Variants in ROR1 observed in about 807,000 individuals in gnomAD.
The protein encoded by ROR1 is inactive tyrosine-protein kinase transmembrane receptor ROR1.
ROR1 carries 19 observed loss-of-function variants against 78.8 expected under a neutral mutation model. The observed-to-expected ratio is 0.24, with a 90% CI of 0.17 to 0.35. ROR1 has a LOEUF of 0.35. Ranked by LOEUF, ROR1 falls within the 10% of genes least tolerant of loss-of-function variation. ROR1 has a pLI of 1.00. For synonymous variants in ROR1, 386 were observed against 433.6 expected, an observed-to-expected ratio of 0.89 and a Z score of 1.36; for missense variants, 917 against 1,177.8, an observed-to-expected ratio of 0.78 and a Z score of 3.24.
intron 4 of ROR1, among the ~76,000 whole-genome samples, chr1:64,112,728 C>T (rs1461995074): frequency 6.6e-6 from 1 of 152,226 alleles, no homozygotes; most frequent in East Asian, 1.9e-4. Context: ...CTGTCCCTGC[C>T]CTTCCTCCTT....
chr1:63,976,966 C>T (rs779003412), intron 1 of ROR1, among the ~76,000 whole-genome samples: 1 of 152,082 alleles, frequency 6.6e-6, no homozygotes, highest in Admixed American at 6.6e-5. Flanking sequence ...CTCACAGTTC[C>T]GCATATCTGG....
chr1:63,843,378 C>T (rs1204834903), intron 1 of ROR1: 31 of 798,126 alleles, frequency 3.9e-5, no homozygotes, highest in Non-Finnish European at 6.0e-5. Flanking sequence ...CTCAGGGACC[C>T]AGAAGATAAA....
intron 1 of ROR1, among the ~76,000 whole-genome samples, chr1:63,860,803 T>C (rs890443070): frequency 1.4e-5 from 2 of 145,592 alleles, no homozygotes; most frequent in Non-Finnish European, 3.0e-5. Context: ...AGAAGAAGAA[T>C]GGAAGGGTAC....
chr1:63,971,675 G>A (rs1646120667), intron 1 of ROR1, among the ~76,000 whole-genome samples: 2 of 152,162 alleles, frequency 1.3e-5, no homozygotes, highest in South Asian at 2.1e-4. Flanking sequence ...GCCCAGATTG[G>A]TTTAAAGCCC....
intron 1 of ROR1, among the ~76,000 whole-genome samples, chr1:63,850,418 G>A (rs1191267547): frequency 6.6e-6 from 1 of 152,188 alleles, no homozygotes; most frequent in Non-Finnish European, 1.5e-5. Flanking sequence ...GCATGTCTTC[G>A]GCTTCCCTAG....
At chr1:64,085,639 A>G (rs1647146338) in intron 4 of ROR1, among the ~76,000 whole-genome samples, 1 of 152,204 alleles carries the variant, frequency 6.6e-6, no homozygotes, top group Admixed American at 6.5e-5. Context: ...GCAGGACTAA[A>G]GATAATATAG....
chr1:63,990,055 G>A (rs1646283088), intron 1 of ROR1, among the ~76,000 whole-genome samples: 1 of 152,102 alleles, frequency 6.6e-6, no homozygotes, highest in Non-Finnish European at 1.5e-5. Context: ...AGAGACCAAG[G>A]ACTACCTGTT....
intron 1 of ROR1, among the ~76,000 whole-genome samples, chr1:63,835,003 C>T (rs1268801800): frequency 6.6e-6 from 1 of 152,104 alleles, no homozygotes. Context: ...GTCAACCTCA[C>T]TCCTTGAGCC....
chr1:63,928,188 G>A (rs1645721636), intron 1 of ROR1, among the ~76,000 whole-genome samples: 1 of 152,194 alleles, frequency 6.6e-6, no homozygotes, highest in Non-Finnish European at 1.5e-5. Context: ...CTGGGTAGGA[G>A]TAATTAACTT....
chr1:64,067,404 C>T (rs1309443288), intron 4 of ROR1, among the ~76,000 whole-genome samples: 1 of 143,236 alleles, frequency 7.0e-6, no homozygotes. Flanking sequence ...CACCTGTAAT[C>T]CCAGCACTCC....
intron 1 of ROR1, among the ~76,000 whole-genome samples, chr1:63,845,067 C>T (rs982480809): frequency 5.9e-5 from 9 of 152,018 alleles, no homozygotes; most frequent in African/African-American, 9.7e-5. Context: ...TTAACGTGAG[C>T]GTATCTAATT....
chr1:64,091,555 G>A (rs1242633848), intron 4 of ROR1, among the ~76,000 whole-genome samples: 5 of 152,096 alleles, frequency 3.3e-5, no homozygotes, highest in African/African-American at 1.2e-4. Flanking sequence ...TAGCCAGTCT[G>A]GTCTTTGGTG....
intron 1 of ROR1, among the ~76,000 whole-genome samples, chr1:63,932,305 A>T (rs1263886725): frequency 6.6e-6 from 1 of 151,992 alleles, no homozygotes; most frequent in Non-Finnish European, 1.5e-5. Context: ...GGGAATGGAG[A>T]GGAAGTGGGT....
At chr1:64,107,946 A>G (rs751268406) in intron 4 of ROR1, among the ~76,000 whole-genome samples, 62 of 152,166 alleles carry the variant, frequency 4.1e-4, no homozygotes, top group Non-Finnish European at 5.1e-4. Flanking sequence ...GCATTAAATC[A>G]TAATCATTTT....
intron 4 of ROR1, among the ~76,000 whole-genome samples, chr1:64,101,097 G>GT (rs1647519460): frequency 6.6e-6 from 1 of 152,172 alleles, no homozygotes; most frequent in Non-Finnish European, 1.5e-5. Flanking sequence ...ATTTTACATG[G>GT]TTTTATGGGT....
At chr1:63,961,687 G>T (rs1569980242) in intron 1 of ROR1, among the ~76,000 whole-genome samples, 1 of 152,280 alleles carries the variant, frequency 6.6e-6, no homozygotes, top group Admixed American at 6.5e-5. Context: ...GGCTGGGAAG[G>T]GTAGGGGAGA....
chr1:63,877,586 G>A (rs1321193874), intron 1 of ROR1, among the ~76,000 whole-genome samples: 1 of 152,098 alleles, frequency 6.6e-6, no homozygotes, highest in African/African-American at 2.4e-5. Context: ...GGTAGCACAA[G>A]GTTACAGGGA....
intron 1 of ROR1, among the ~76,000 whole-genome samples, chr1:63,952,656 A>G (rs1346677731): frequency 6.6e-6 from 1 of 152,100 alleles, no homozygotes; most frequent in Non-Finnish European, 1.5e-5. Flanking sequence ...CTTTGCCTGA[A>G]GCATGGAGAG....
At chr1:64,048,085 A>G (rs1050050502) in intron 2 of ROR1, among the ~76,000 whole-genome samples, 1 of 152,234 alleles carries the variant, frequency 6.6e-6, no homozygotes, top group African/African-American at 2.4e-5. Context: ...TTTAGCATTT[A>G]TGAACTCATT....
Sources: allele counts gnomAD v4.1 joint callset (sites outside exome capture counted in the v4.1 genomes callset), GRCh38; gene constraint gnomAD v4.1.1; transcripts MANE v1.5; gene names NCBI Gene and HGNC (gene_info 2026-07-23, HGNC 2026-07-21).